Variants in CCSER1 observed in about 807,000 individuals in gnomAD.
CCSER1 encodes serine-rich coiled-coil domain-containing protein 1.
Under a neutral mutation model 82.0 loss-of-function variants are expected in CCSER1, and 41 were observed. The ratio of observed to expected loss-of-function variants is 0.50; its 90% CI spans 0.39 to 0.65. The LOEUF is 0.65. CCSER1 is among the 30% of genes least tolerant of loss of function. CCSER1 has a pLI of 0.00. For missense variants in CCSER1, 1,119 were observed against 1,064.2 expected, an observed-to-expected ratio of 1.05 and a Z score of -0.72; for synonymous variants, 414 against 383.9, an observed-to-expected ratio of 1.08 and a Z score of -0.92.
intron 10 of CCSER1, among the ~76,000 whole-genome samples, chr4:91,358,962 A>G (rs1160413623): frequency 6.6e-6 from 1 of 152,176 alleles, no homozygotes; most frequent in South Asian, 2.1e-4. Context: ...GAAATGTAGC[A>G]GGACGAGCCG....
At chr4:91,480,577 C>T (rs1757855508) in intron 10 of CCSER1, among the ~76,000 whole-genome samples, 1 of 152,174 alleles carries the variant, frequency 6.6e-6, no homozygotes, top group African/African-American at 2.4e-5. Context: ...GTTCTGTGTA[C>T]TGTAACAGAA....
intron 5 of CCSER1, among the ~76,000 whole-genome samples, chr4:90,514,749 C>A (rs908675721): frequency 6.7e-6 from 1 of 149,586 alleles, no homozygotes; most frequent in East Asian, 1.9e-4. Context: ...GAGGAGACGC[C>A]GTTGCAAAAA....
At chr4:90,873,892 A>T (rs781626125) in intron 8 of CCSER1, among the ~76,000 whole-genome samples, 1 of 152,154 alleles carries the variant, frequency 6.6e-6, no homozygotes, top group African/African-American at 2.4e-5. Context: ...CTTTTCTCAT[A>T]TTTTTGATTT....
chr4:91,568,014 C>T (rs956566984), intron 10 of CCSER1, among the ~76,000 whole-genome samples: 1 of 151,960 alleles, frequency 6.6e-6, no homozygotes, highest in African/African-American at 2.4e-5. Context: ...TCTTTTCTTT[C>T]TATATTTAGT....
intron 7 of CCSER1, among the ~76,000 whole-genome samples, chr4:90,804,676 T>C (rs1757280964): frequency 6.6e-6 from 1 of 152,208 alleles, no homozygotes; most frequent in Non-Finnish European, 1.5e-5. Flanking sequence ...TTTTAGTTTT[T>C]GACATTTGAT....
rs1452160914 is a variant in CCSER1 at position 90,714,314 on chromosome 4, A to G, written c.1933-9600A>G. ...TGTCTCCCCTAATGAACTTAAGGTA[A>G]TTGGAGGCAAAGATTTTTTCTTATT... is the stretch of plus-strand genomic sequence containing the variant. On this transcript the variant is annotated intron_variant, in intron 6 of 10. Coordinates refer to ENST00000509176, the MANE Select transcript of CCSER1 (RefSeq NM_001145065.2). Among the ~76,000 whole-genome samples the G allele has an allele frequency of 3.3e-5, 5 of 151,876 alleles. No homozygotes were observed. The East Asian group carries it at 7.7e-4, about 23-fold the overall frequency.
rs184055565 is a variant in CCSER1, at chr4:90,231,721, C to G, written c.-41-76523C>G. ...ATGACATGATTGTATGTCTAGAAAACTCCATTGTCTTAGCCCAAAATCTCC... is the reference window on the plus strand; with the variant it reads ...ATGACATGATTGTATGTCTAGAAAAGTCCATTGTCTTAGCCCAAAATCTCC... On this transcript the variant is annotated intron_variant, in intron 1 of 10. Coordinates refer to ENST00000509176, the MANE Select transcript of CCSER1 (RefSeq NM_001145065.2). Among the ~76,000 whole-genome samples, 4 of 152,302 alleles carry G rather than the reference C, an allele frequency of 2.6e-5. No individual in the cohort carries two copies. The East Asian group carries it at 5.8e-4, about 22-fold the overall frequency.
intron 1 of CCSER1, among the ~76,000 whole-genome samples, chr4:90,196,495 C>T (rs1027298557): frequency 8.6e-5 from 13 of 151,986 alleles, no homozygotes; most frequent in African/African-American, 2.9e-4. Context: ...AGTATAAGGG[C>T]CCAGCCTTGT....
At chr4:90,440,004 T>G (rs1400418517) in intron 4 of CCSER1, among the ~76,000 whole-genome samples, 2 of 152,082 alleles carry the variant, frequency 1.3e-5, no homozygotes, top group African/African-American at 4.8e-5. Context: ...GTTTTGTTAT[T>G]TTATTTTTTT....
chr4:91,259,022 A>C (rs992232559), intron 10 of CCSER1, among the ~76,000 whole-genome samples: 6 of 152,172 alleles, frequency 3.9e-5, no homozygotes, highest in African/African-American at 1.4e-4. Flanking sequence ...ATCTAAATTC[A>C]GCTTGCCACA....
At chr4:90,904,180 T>TA (rs1725095369) in intron 8 of CCSER1, among the ~76,000 whole-genome samples, 1 of 152,128 alleles carries the variant, frequency 6.6e-6, no homozygotes, top group Non-Finnish European at 1.5e-5. Context: ...TGATTTATCT[T>TA]AAACTAAACG....
At chr4:90,293,938 T>C (rs1184953605) in intron 1 of CCSER1, among the ~76,000 whole-genome samples, 1 of 152,016 alleles carries the variant, frequency 6.6e-6, no homozygotes, top group Non-Finnish European at 1.5e-5. Context: ...AAAAATCTAT[T>C]GTGGTTTATT....
intron 5 of CCSER1, among the ~76,000 whole-genome samples, chr4:90,537,309 T>C (rs1242774846): frequency 6.6e-6 from 1 of 152,170 alleles, no homozygotes; most frequent in African/African-American, 2.4e-5. Flanking sequence ...CTGACCCTTT[T>C]ACTTTTTTAT....
intron 1 of CCSER1, among the ~76,000 whole-genome samples, chr4:90,307,366 A>G (rs1734488338): frequency 6.6e-6 from 1 of 152,028 alleles, no homozygotes; most frequent in Admixed American, 6.6e-5. Flanking sequence ...TTTTTACTCA[A>G]GTATTTTCTT....
At chr4:90,392,302 G>A (rs1395871801) in intron 3 of CCSER1, among the ~76,000 whole-genome samples, 1 of 151,794 alleles carries the variant, frequency 6.6e-6, no homozygotes, top group Admixed American at 6.6e-5. Context: ...TCTGAGTTTA[G>A]TTTTAAATTT....
chr4:90,710,830 T>C (rs1046807028), intron 6 of CCSER1, among the ~76,000 whole-genome samples: 1 of 152,086 alleles, frequency 6.6e-6, no homozygotes, highest in Non-Finnish European at 1.5e-5. Flanking sequence ...TTTGGTTCCA[T>C]TGGAATTATA....
intron 5 of CCSER1, among the ~76,000 whole-genome samples, chr4:90,535,551 A>G (rs930263716): frequency 2.6e-5 from 4 of 152,210 alleles, no homozygotes; most frequent in African/African-American, 9.7e-5. Context: ...CAGCCACTAA[A>G]TAAGGTTGTG....
chr4:91,166,507 A>G (rs1214595117), intron 10 of CCSER1, among the ~76,000 whole-genome samples: 1 of 152,240 alleles, frequency 6.6e-6, no homozygotes, highest in Admixed American at 6.5e-5. Flanking sequence ...TAATAATGAC[A>G]CCGTCTAAGC....
chr4:91,588,668 T>C (rs1764125879), intron 10 of CCSER1, among the ~76,000 whole-genome samples: 2 of 151,774 alleles, frequency 1.3e-5, no homozygotes, highest in African/African-American at 4.8e-5. Flanking sequence ...TTTAAATTCT[T>C]TGAAGGACGT....
Sources: allele counts gnomAD v4.1 joint callset (sites outside exome capture counted in the v4.1 genomes callset), GRCh38; gene constraint gnomAD v4.1.1; transcripts MANE v1.5; gene names NCBI Gene and HGNC (gene_info 2026-07-23, HGNC 2026-07-21).